Variants in PAQR5 observed in about 807,000 individuals in gnomAD.
The protein encoded by PAQR5 is membrane progestin receptor gamma.
PAQR5 carries 20 observed loss-of-function variants against 34.5 expected under a neutral mutation model. The observed-to-expected ratio is 0.58, with a 90% confidence interval of 0.41 to 0.84. PAQR5 has a LOEUF of 0.84. PAQR5 is among the 40% of genes least tolerant of loss of function. The pLI, the probability that PAQR5 is intolerant of heterozygous loss-of-function variation, is 0.00. For missense variants in PAQR5, 378 were observed against 412.7 expected (o/e 0.92, Z 0.73); for synonymous variants, 131 against 155.6 (o/e 0.84, Z 1.18).
At chr15:69,357,948 G>A (rs141436844) in intron 2 of PAQR5, among the ~76,000 whole-genome samples, 5 of 152,224 alleles carry the variant, frequency 3.3e-5, no homozygotes, top group African/African-American at 7.2e-5. Flanking sequence ...AGGGGCAGAC[G>A]AGGCCTAGGG....
intron 1 of PAQR5, among the ~76,000 whole-genome samples, chr15:69,309,143 G>A (rs181064973): frequency 6.6e-6 from 1 of 152,274 alleles, no homozygotes; most frequent in Non-Finnish European, 1.5e-5. Flanking sequence ...GAGAAGCCAT[G>A]GGGTGGATGG....
At chr15:69,330,785 G>A (rs771585505) in intron 1 of PAQR5, among the ~76,000 whole-genome samples, 6 of 152,172 alleles carry the variant, frequency 3.9e-5, no homozygotes, top group South Asian at 2.1e-4. Context: ...CAGGCTCTGC[G>A]TGAATTACTC....
intron 5 of PAQR5, 39 bp downstream of exon 5, chr15:69,384,921 C>A: frequency 6.5e-7 from 1 of 1,531,082 alleles, no homozygotes; most frequent in Non-Finnish European, 9.0e-7. Context: ...TCCCCTGCAA[C>A]CGGGCTGTTT....
intron 2 of PAQR5, among the ~76,000 whole-genome samples, chr15:69,339,959 C>T (rs1029437891): frequency 2.0e-5 from 3 of 152,158 alleles, no homozygotes; most frequent in Non-Finnish European, 4.4e-5. Context: ...CTCTGCCTCC[C>T]GGGTTCAAGC....
chr15:69,352,010 C>T (rs1173490395), intron 2 of PAQR5, among the ~76,000 whole-genome samples: 2 of 152,168 alleles, frequency 1.3e-5, no homozygotes, highest in Non-Finnish European at 2.9e-5. Context: ...GATCCTAGAA[C>T]AGGAGAAGGC....
chr15:69,403,988 C>G lies in PAQR5; in HGVS notation c.*166C>G, dbSNP rs577194718. The G allele has an allele frequency of 3.8e-5, 27 of 702,930 alleles. No individual in the cohort carries two copies. In the South Asian group the frequency reaches 5.1e-4, roughly 13 times the overall value. The allele number at this position is 702,930 out of a possible 1,614,324, so 43.5% of individuals were successfully genotyped here. On this transcript the variant is annotated 3_prime_UTR_variant, in exon 9 of 9. Coordinates refer to ENST00000395407, the MANE Select transcript of PAQR5 (RefSeq NM_017705.4). ...ATGTTATTCAGCTGGGGAAATTTCTCTAAATGTACACTGATTCTGTGTGTG... is the reference window on the plus strand; with the variant it reads ...ATGTTATTCAGCTGGGGAAATTTCTGTAAATGTACACTGATTCTGTGTGTG...
intron 2 of PAQR5, among the ~76,000 whole-genome samples, chr15:69,346,474 A>AT (rs967614141): frequency 6.6e-6 from 1 of 150,898 alleles, no homozygotes; most frequent in African/African-American, 2.4e-5. Flanking sequence ...CCCAGTTAAT[A>AT]TTTTTTGTAG....
chr15:69,321,067 T>G (rs2054085345), intron 1 of PAQR5, among the ~76,000 whole-genome samples: 1 of 152,216 alleles, frequency 6.6e-6, no homozygotes, highest in Non-Finnish European at 1.5e-5. Flanking sequence ...GTTCTTTGGT[T>G]TTATCTTGTT....
chr15:69,367,709 T>A (rs536359986), intron 3 of PAQR5, among the ~76,000 whole-genome samples: 3 of 152,324 alleles, frequency 2.0e-5, no homozygotes, highest in Middle Eastern at 3.4e-3. Flanking sequence ...AGAAACAGAC[T>A]TTGAGAAAAA....
chr15:69,373,554 C>T (rs1319682072), intron 3 of PAQR5, among the ~76,000 whole-genome samples: 1 of 152,168 alleles, frequency 6.6e-6, no homozygotes, highest in African/African-American at 2.4e-5. Context: ...GTCTATAATG[C>T]TAGTCATTCA....
chr15:69,399,132 T>C (rs12592531), intron 7 of PAQR5, among the ~76,000 whole-genome samples: 5,534 of 152,306 alleles, frequency 0.036, 174 homozygotes, highest in East Asian at 0.12. Flanking sequence ...GTGGCCATCA[T>C]TGATACTTTT....
intron 3 of PAQR5, among the ~76,000 whole-genome samples, chr15:69,377,019 G>A (rs919519457): frequency 2.0e-5 from 3 of 152,212 alleles, no homozygotes; most frequent in South Asian, 2.1e-4. Flanking sequence ...GCAGGTCACC[G>A]CCCCCACATG....
At chr15:69,313,946 C>T (rs1426579861) in intron 1 of PAQR5, among the ~76,000 whole-genome samples, 1 of 152,060 alleles carries the variant, frequency 6.6e-6, no homozygotes, top group African/African-American at 2.4e-5. Flanking sequence ...ACTCAGGGAC[C>T]TTGCCTTTCT....
intron 1 of PAQR5, among the ~76,000 whole-genome samples, chr15:69,333,945 T>C (rs1356726510): frequency 6.6e-6 from 1 of 152,240 alleles, no homozygotes; most frequent in Non-Finnish European, 1.5e-5. Context: ...TATAAGCATT[T>C]AAATCAAATA....
chr15:69,379,357 C>T, intron 3 of PAQR5: 1 of 911,568 alleles, frequency 1.1e-6, no homozygotes, highest in Non-Finnish European at 1.3e-6. Context: ...GCCACCTCCT[C>T]TTCCTGCAGC....
chr15:69,345,400 T>G (rs7171612), intron 2 of PAQR5, among the ~76,000 whole-genome samples: 132,835 of 152,110 alleles, frequency 0.87, 58,787 homozygotes, highest in Non-Finnish European at 0.96. Context: ...AGGTTATGAG[T>G]TTTGCCAACT....
At chr15:69,339,170 A>ACCCCC (rs55878437) in intron 2 of PAQR5, among the ~76,000 whole-genome samples, 2 of 137,036 alleles carry the variant, frequency 1.5e-5, no homozygotes, top group South Asian at 2.3e-4. Context: ...CACTGGCTAC[A>ACCCCC]CCCCCCACCC....
At chr15:69,312,853 G>A (rs146790665) in intron 1 of PAQR5, among the ~76,000 whole-genome samples, 1 of 152,186 alleles carries the variant, frequency 6.6e-6, no homozygotes, top group East Asian at 1.9e-4. Flanking sequence ...CTCTTTTTTG[G>A]GGGTGGGGAT....
chr15:69,346,631 T>C (rs1051553644), intron 2 of PAQR5, among the ~76,000 whole-genome samples: 11 of 150,534 alleles, frequency 7.3e-5, no homozygotes, highest in Non-Finnish European at 1.5e-4. Context: ...ATTTTTTTTT[T>C]TTTTTTTGAG....
Sources: gnomAD v4.1 joint callset for allele counts (sites outside exome capture counted in the v4.1 genomes callset) on GRCh38, gnomAD v4.1.1 for gene constraint, MANE v1.5 for transcripts, NCBI Gene and HGNC (gene_info 2026-07-23, HGNC 2026-07-21) for gene names.